CSN1S1: variants seen among roughly 807,000 people sequenced by gnomAD.
The protein encoded by CSN1S1 is casein alpha s1.
Under a neutral mutation model 49.1 loss-of-function variants are expected in CSN1S1, and 63 were observed. The ratio of observed to expected loss-of-function variants is 1.28; its 90% CI spans 1.05 to 1.58. The LOEUF is 1.58. CSN1S1 is among the 40% of genes most tolerant of loss of function. The pLI, the probability that CSN1S1 is intolerant of heterozygous loss-of-function variation, is 0.00. For synonymous variants in CSN1S1, 78 were observed against 67.1 expected, an observed-to-expected ratio of 1.16 and a Z score of -0.79; for missense variants, 260 against 224.7, an observed-to-expected ratio of 1.16 and a Z score of -1.01.
Position 69,944,967 on chromosome 4 carries a change from G to T in CSN1S1, c.520G>T (p.Glu174Ter). The change falls in exon 15 of 16, where the codon GAA (glutamate) becomes TAA (stop). Residue 174 changes from glutamate (E) to a stop codon, truncating the protein, a stop_gained. Coordinates refer to ENST00000246891, the MANE Select transcript of CSN1S1 (RefSeq NM_001890.2). LOFTEE classifies it high-confidence loss of function. ...FSDISNPTAH[E>*]NYEKNNVMLQ... Reference sequence around the variant, plus strand: ...CGACATCTCCAATCCCACTGCTCATGAAAATTATGAAAAAAATAACGTCAT... The same window carrying T: ...CGACATCTCCAATCCCACTGCTCATTAAAATTATGAAAAAAATAACGTCAT... 1 of 1,612,644 alleles carries T rather than the reference G, an allele frequency of 6.2e-7. No individual in the cohort carries two copies. Among genetic ancestry groups the T allele is most frequent in the Non-Finnish European group, 8.5e-7 (1 of 1,179,164 alleles).
chr4:69,936,480 G>T lies in CSN1S1; in HGVS notation c.153+1G>T, dbSNP rs764732791. ...GGAATACATGAATGGTATGAACAGGGTAAGAAACATCAATGAAATTTAAAT... is the reference window on the plus strand; with the variant it reads ...GGAATACATGAATGGTATGAACAGGTTAAGAAACATCAATGAAATTTAAAT... On this transcript the variant is annotated splice_donor_variant, in intron 6 of 15. Coordinates refer to ENST00000246891, the MANE Select transcript of CSN1S1 (RefSeq NM_001890.2). LOFTEE classifies it high-confidence loss of function. The T allele has an allele frequency of 6.3e-7, 1 of 1,575,446 alleles. No individual in the cohort carries two copies. The highest frequency in any genetic ancestry group is 1.1e-5 in the South Asian group (1 of 89,526).
At position 69,944,935 on chromosome 4, in the gene CSN1S1, C is replaced by T. The variant is rs759326335; in HGVS notation, c.488C>T (p.Pro163Leu). The T allele has an allele frequency of 1.1e-5, 17 of 1,612,832 alleles. No individual in the cohort carries two copies. The African/African-American group carries it at 1.9e-4, about 18-fold the overall frequency. Residue 163 changes from proline (P) to leucine (L), a missense_variant, in exon 15 of 16, where the codon CCG becomes CTG. By Grantham distance (98) the Pro-to-Leu change is moderately conservative. Transcript: ENST00000246891. ...PQIMQYVPFP[P>L]FSDISNPTAH... The stretch of plus-strand genomic sequence containing the variant: ...ATCATGCAGTATGTTCCTTTCCCAC[C>T]GTTTTCCGACATCTCCAATCCCACT...
intron 4 of CSN1S1, among the ~76,000 whole-genome samples, chr4:69,935,226 A>T (rs1042032175): frequency 6.6e-6 from 1 of 152,122 alleles, no homozygotes; most frequent in East Asian, 1.9e-4. Context: ...GGGAAAAATT[A>T]TTTAATTTTT....
At chr4:69,938,399 C>A (rs537274593) in intron 9 of CSN1S1, among the ~76,000 whole-genome samples, 1 of 151,418 alleles carries the variant, frequency 6.6e-6, no homozygotes, top group East Asian at 2.0e-4. Context: ...ATGGCAAAAA[C>A]CTCAATTACT....
intron 4 of CSN1S1, 42 bp downstream of exon 4, chr4:69,934,752 T>A (rs1722718183): frequency 1.3e-6 from 2 of 1,584,146 alleles, no homozygotes; most frequent in East Asian, 4.5e-5. Flanking sequence ...CTCTTCCTTT[T>A]GCTCTCTTTC....
chr4:69,934,828 A>G (rs927746070), intron 4 of CSN1S1, 118 bp downstream of exon 4: 3 of 864,824 alleles, frequency 3.5e-6, no homozygotes, highest in Non-Finnish European at 5.6e-6. Context: ...AAATGCATCC[A>G]ACAACTCAAG....
intron 13 of CSN1S1, 131 bp downstream of exon 13, chr4:69,942,194 T>C (rs1350665835): frequency 2.2e-5 from 13 of 595,752 alleles, no homozygotes; most frequent in African/African-American, 1.7e-4. Context: ...GATAATATTT[T>C]ACTTAAAAGT....
At chr4:69,942,001 T>A (rs1217066310) in intron 12 of CSN1S1, 45 bp from the exon 13 acceptor site, 2 of 1,303,640 alleles carry the variant, frequency 1.5e-6, no homozygotes, top group Admixed American at 4.7e-5. Context: ...TATTAATGAG[T>A]AAATAAAATG....
In CSN1S1 at chr4:69,936,353, T is replaced by A. The variant is rs1722782612; in HGVS notation, c.130-103T>A. The A allele has an allele frequency of 1.1e-5, 10 of 906,692 alleles. No individual in the cohort carries two copies. In the South Asian group the frequency reaches 1.6e-4, roughly 14 times the overall value. The allele number at this position is 906,692 out of a possible 1,614,324, so 56.2% of individuals were successfully genotyped here. A position where few individuals can be genotyped will look rare whatever the true frequency, so the allele number is the denominator to read the frequency against. On this transcript the variant is annotated intron_variant, in intron 5 of 15. Coordinates refer to ENST00000246891, the MANE Select transcript of CSN1S1 (RefSeq NM_001890.2). ...CATTCAGGAAAAATGGATTTATTTTTAAATTTGTATCAGCACGATGTGAAG... is the reference window on the plus strand; with the variant it reads ...CATTCAGGAAAAATGGATTTATTTTAAAATTTGTATCAGCACGATGTGAAG...
intron 11 of CSN1S1, 66 bp downstream of exon 11, chr4:69,940,110 T>TTC (rs201239166): frequency 0.044 from 18,003 of 407,150 alleles, 1,458 homozygotes; most frequent in Middle Eastern, 0.058. Context: ...TGCACTTACT[T>TTC]TCACACACAC....
Position 69,937,828 on chromosome 4 carries a change from G to A in CSN1S1, c.243+5G>A, listed in dbSNP as rs372191837. The A allele has an allele frequency of 6.3e-6, 10 of 1,590,014 alleles. No homozygotes were observed. The highest frequency in any genetic ancestry group is 7.7e-6 in the Non-Finnish European group (9 of 1,170,556). On this transcript the variant is annotated splice_donor_5th_base_variant and intron_variant, in intron 9 of 15. Transcript: ENST00000246891. Reference sequence around the variant, plus strand: ...TGTGTTGTGGCAGAGCCTGAGGTAAGACCCATTCATTCTAGTGAACTCTAC... The same window carrying A: ...TGTGTTGTGGCAGAGCCTGAGGTAAAACCCATTCATTCTAGTGAACTCTAC...
At chr4:69,935,766 G>T (rs953014244) in intron 4 of CSN1S1, among the ~76,000 whole-genome samples, 160 bp from the exon 5 acceptor site, 4 of 152,008 alleles carry the variant, frequency 2.6e-5, no homozygotes, top group African/African-American at 7.2e-5. Flanking sequence ...ATAATAGAAT[G>T]CTCTTAACTA....
intron 3 of CSN1S1, 26 bp downstream of exon 3, chr4:69,934,270 G>T: frequency 2.5e-6 from 4 of 1,605,258 alleles, no homozygotes; most frequent in Non-Finnish European, 3.4e-6. Context: ...TGCATTCCAA[G>T]AACTCACTCT....
At chr4:69,934,171 A>G in intron 2 of CSN1S1, 41 bp from the exon 3 acceptor site, 1 of 1,477,434 alleles carries the variant, frequency 6.8e-7, no homozygotes, top group Non-Finnish European at 9.4e-7. Flanking sequence ...TTGTCATTTT[A>G]GTTACTTTTT....
intron 14 of CSN1S1, among the ~76,000 whole-genome samples, chr4:69,944,446 A>G (rs886967659): frequency 6.6e-6 from 1 of 151,962 alleles, no homozygotes; most frequent in East Asian, 1.9e-4. Context: ...CGGGGCCTGT[A>G]CTTTGACCCC....
In CSN1S1 at chr4:69,941,007, CT is replaced by C; in HGVS notation, c.301-7del. The C allele has an allele frequency of 6.9e-7, 1 of 1,454,926 alleles. No homozygotes were observed. Among genetic ancestry groups the C allele is most frequent in the Non-Finnish European group, 9.4e-7 (1 of 1,061,654 alleles). The allele number at this position is 1,454,926 out of a possible 1,614,324, so 90.1% of individuals were successfully genotyped here. ...CATCCAAGCAATTGAGAATATTTTTCTTTTTAAATAGGAACAGTTTTGTAGA... is the reference window on the plus strand; with the variant it reads ...CATCCAAGCAATTGAGAATATTTTTCTTTTAAATAGGAACAGTTTTGTAGA... On this transcript the variant is annotated splice_polypyrimidine_tract_variant and intron_variant, in intron 11 of 15. Transcript: ENST00000246891.
chr4:69,933,157 T>C (rs1389034805), intron 2 of CSN1S1, among the ~76,000 whole-genome samples: 1 of 150,926 alleles, frequency 6.6e-6, no homozygotes, highest in Non-Finnish European at 1.5e-5. Context: ...GTGGTCACTG[T>C]AGACAATGAA....
intron 13 of CSN1S1, 144 bp from the exon 14 acceptor site, chr4:69,942,392 G>T: frequency 1.4e-6 from 1 of 720,100 alleles, no homozygotes; most frequent in South Asian, 2.0e-5. Context: ...AAAGTGTTTT[G>T]ACATTTTTTG....
chr4:69,933,840 A>G (rs1023607188), intron 2 of CSN1S1, among the ~76,000 whole-genome samples: 2 of 152,054 alleles, frequency 1.3e-5, no homozygotes, highest in South Asian at 4.1e-4. Context: ...TACTAGTTTA[A>G]AATCATCTTT....
Sources: gnomAD v4.1 joint callset for allele counts (sites outside exome capture counted in the v4.1 genomes callset) on GRCh38, gnomAD v4.1.1 for gene constraint, MANE v1.5 for transcripts, NCBI Gene and HGNC (gene_info 2026-07-23, HGNC 2026-07-21) for gene names.